Variants in HEPHL1 observed in about 807,000 individuals in gnomAD.
HEPHL1 encodes ferroxidase HEPHL1.
A neutral mutation model predicts 122.0 loss-of-function variants in HEPHL1; 123 were observed. The observed-to-expected ratio is 1.01, with a 90% CI of 0.87 to 1.17. The LOEUF is 1.17. HEPHL1 is among the 50% of genes most tolerant of loss of function. The pLI, the probability that HEPHL1 is intolerant of heterozygous loss-of-function variation, is 0.00. For synonymous variants in HEPHL1, 527 were observed against 508.9 expected (o/e 1.04, Z -0.48); for missense variants, 1,452 against 1,430.5 (o/e 1.01, Z -0.24).
chr11:94,070,363 C>A lies in HEPHL1; in HGVS notation c.1064-11C>A. On this transcript the variant is annotated splice_polypyrimidine_tract_variant and intron_variant, in intron 5 of 19. Coordinates refer to ENST00000315765, the MANE Select transcript of HEPHL1 (RefSeq NM_001098672.2). ...TTATGCCTCAGCTCGTGGTTTTCCT[C>A]TGTTCTGCAGCTGGTATGCTGGGGC... 1.9e-6 allele frequency: 3 copies of A among 1,578,676 alleles called. No individual in the cohort carries two copies. Among genetic ancestry groups the A allele is most frequent in the Non-Finnish European group, 2.6e-6 (3 of 1,160,908 alleles).
At chr11:94,073,522 G>A in intron 8 of HEPHL1, 83 bp downstream of exon 8, 21 of 1,379,728 alleles carry the variant, frequency 1.5e-5, no homozygotes, top group Non-Finnish European at 2.1e-5. Context: ...TCAAATCCTG[G>A]TCCTTTCCAT....
At chr11:94,021,823 C>A (rs889485121) in intron 1 of HEPHL1, among the ~76,000 whole-genome samples, 1 of 152,164 alleles carries the variant, frequency 6.6e-6, no homozygotes, top group Admixed American at 6.5e-5. Context: ...CTACTAGTAA[C>A]TTCTGGGGGA....
chr11:94,045,549 G>T (rs976748712), intron 1 of HEPHL1, 124 bp from the exon 2 acceptor site: 3 of 780,100 alleles, frequency 3.8e-6, no homozygotes, highest in Non-Finnish European at 6.0e-6. Context: ...CCCTACAGAG[G>T]TTGCAGCTTA....
intron 1 of HEPHL1, among the ~76,000 whole-genome samples, chr11:94,042,872 T>TAAAAAAAAAAAAA (rs1181820453): frequency 0.059 from 69 of 1,168 alleles, no homozygotes; most frequent in Non-Finnish European, 0.11. Flanking sequence ...ACTTAAAGTA[T>TAAAAAAAAAAAAA]AATAAAAAAA....
At chr11:94,036,081 TAC>T (rs201219318) in intron 1 of HEPHL1, among the ~76,000 whole-genome samples, 1,564 of 152,318 alleles carry the variant, frequency 0.01, 27 homozygotes, top group African/African-American at 0.035. Flanking sequence ...TTTCCTTTTA[TAC>T]CACCACTGAA....
Position 94,078,446 on chromosome 11 carries a change from C to CATATATATATATATATATAT in HEPHL1, c.1716+3072_1716+3091dup, listed in dbSNP as rs6144452. On this transcript the variant is annotated intron_variant, in intron 9 of 19. Transcript: ENST00000315765. Reference sequence around the variant, plus strand: ...GACACCAGCCACTACTCAGATGTTCCATATATATATATATATATATATATA... The same window carrying CATATATATATATATATATAT: ...GACACCAGCCACTACTCAGATGTTCCATATATATATATATATATATATATATATATATATATATATATATA... Among the ~76,000 whole-genome samples, 152 of 111,502 alleles carry CATATATATATATATATATAT rather than the reference C, an allele frequency of 1.4e-3. 1 individual carries two copies. The highest frequency in any genetic ancestry group is 1.8e-3 in the Admixed American group (17 of 9,456). The allele number at this position is 111,502 out of a possible 152,430, so 73.1% of individuals were successfully genotyped here. A position where few individuals can be genotyped will look rare whatever the true frequency, so the allele number is the denominator to read the frequency against.
In HEPHL1 at chr11:94,073,432, C is replaced by T. The variant is rs1294052703; in HGVS notation, c.1497C>T (p.Asn499=). ...IYDKASDAAP[N]LDGFVKPGAH... is the part of the protein sequence containing the mutation. ...ACAAGGCATCTGATGCAGCCCCAAA[C>T]CTAGATGGTAAGTCTCACTCTGGGC... Residue 499 remains asparagine (N), a synonymous_variant, in exon 8 of 20, where the codon AAC becomes AAT. Coordinates refer to ENST00000315765, the MANE Select transcript of HEPHL1 (RefSeq NM_001098672.2). The T allele has an allele frequency of 2.1e-5, 33 of 1,553,302 alleles. No individual in the cohort carries two copies. Among genetic ancestry groups the T allele is most frequent in the Non-Finnish European group, 2.8e-5 (32 of 1,147,444 alleles).
chr11:94,095,483 T>G (rs1946303750), intron 13 of HEPHL1, among the ~76,000 whole-genome samples: 1 of 152,162 alleles, frequency 6.6e-6, no homozygotes, highest in African/African-American at 2.4e-5. Context: ...TGTGGGCTCT[T>G]TTTTGGTTCC....
At chr11:94,044,201 G>T (rs1411489389) in intron 1 of HEPHL1, among the ~76,000 whole-genome samples, 1 of 152,102 alleles carries the variant, frequency 6.6e-6, no homozygotes, top group Non-Finnish European at 1.5e-5. Context: ...TGGTGCTATT[G>T]TTTCAGGCTT....
At chr11:94,078,545 A>G (rs1446180299) in intron 9 of HEPHL1, among the ~76,000 whole-genome samples, 3 of 150,918 alleles carry the variant, frequency 2.0e-5, no homozygotes, top group African/African-American at 4.9e-5. Flanking sequence ...AGACTGATAG[A>G]TCTCAGCACC....
At chr11:94,045,549 G>A (rs976748712) in intron 1 of HEPHL1, 124 bp from the exon 2 acceptor site, 1 of 780,100 alleles carries the variant, frequency 1.3e-6, no homozygotes. Flanking sequence ...CCCTACAGAG[G>A]TTGCAGCTTA....
chr11:94,073,853 G>A (rs559784810), intron 8 of HEPHL1, among the ~76,000 whole-genome samples: 19 of 152,176 alleles, frequency 1.2e-4, no homozygotes, highest in African/African-American at 3.4e-4. Flanking sequence ...TGTTGACATC[G>A]AAATCTTACA....
intron 5 of HEPHL1, among the ~76,000 whole-genome samples, chr11:94,069,616 C>T (rs914437109): frequency 3.2e-4 from 48 of 152,028 alleles, no homozygotes; most frequent in Non-Finnish European, 5.4e-4. Context: ...ATTTTCATGT[C>T]GGTGAATATA....
At chr11:94,089,069 A>G in intron 12 of HEPHL1, 101 bp downstream of exon 12, 1 of 1,083,128 alleles carries the variant, frequency 9.2e-7, no homozygotes, top group Non-Finnish European at 1.4e-6. Flanking sequence ...TTGTGTCTCC[A>G]CAGTTCCGGC....
chr11:94,105,615 T>A (rs1272989259), intron 16 of HEPHL1, among the ~76,000 whole-genome samples: 3 of 152,218 alleles, frequency 2.0e-5, no homozygotes, highest in Non-Finnish European at 4.4e-5. Flanking sequence ...ACCTTCTAAG[T>A]CACTCAATTT....
At chr11:94,090,860 G>A (rs1276206875) in intron 12 of HEPHL1, among the ~76,000 whole-genome samples, 9 of 152,110 alleles carry the variant, frequency 5.9e-5, no homozygotes, top group African/African-American at 2.2e-4. Flanking sequence ...CAGGCCCTCT[G>A]CCCCACCTTG....
chr11:94,095,964 A>G (rs946364550), intron 13 of HEPHL1, among the ~76,000 whole-genome samples: 2 of 152,212 alleles, frequency 1.3e-5, no homozygotes, highest in Non-Finnish European at 2.9e-5. Flanking sequence ...GTCATCTGCA[A>G]ACAGGGACAA....
chr11:94,069,296 T>C lies in HEPHL1; in HGVS notation c.1064-1078T>C, dbSNP rs535693482. Among the ~76,000 whole-genome samples the C allele has an allele frequency of 1.6e-3, 246 of 152,256 alleles. 1 individual carries two copies. The highest frequency in any genetic ancestry group is 2.8e-3 in the Non-Finnish European group (193 of 68,010). On this transcript the variant is annotated intron_variant, in intron 5 of 19. Transcript: ENST00000315765. ...AAAATACATATAATTGGAGGTTTTT[T>C]AACAAATAGAGACAGGGTCTTGCTA... is the stretch of plus-strand genomic sequence containing the variant.
intron 5 of HEPHL1, 140 bp from the exon 6 acceptor site, chr11:94,070,233 CT>C: frequency 1.5e-6 from 1 of 660,384 alleles, no homozygotes; most frequent in Non-Finnish European, 2.3e-6. Flanking sequence ...GCCATTTATC[CT>C]TTTTAAAAAA....
Sources: gnomAD v4.1 joint callset for allele counts (sites outside exome capture counted in the v4.1 genomes callset) on GRCh38, gnomAD v4.1.1 for gene constraint, MANE v1.5 for transcripts, NCBI Gene and HGNC (gene_info 2026-07-23, HGNC 2026-07-21) for gene names.